HTR7: variants seen among roughly 807,000 people sequenced by gnomAD.
HTR7 encodes the protein 5-HT-7.
HTR7 carries 16 observed loss-of-function variants against 34.0 expected under a neutral mutation model. The ratio of observed to expected loss-of-function variants is 0.47; its 90% CI spans 0.32 to 0.71. The LOEUF (loss-of-function observed/expected upper bound fraction) is 0.71, where lower values mean the gene tolerates loss of function less well. Ranked by LOEUF, HTR7 falls within the 30% of genes least tolerant of loss-of-function variation. The pLI is 0.04. For missense variants in HTR7, 504 were observed against 625.5 expected, an observed-to-expected ratio of 0.81 and a Z score of 2.07; for synonymous variants, 265 against 260.2, an observed-to-expected ratio of 1.02 and a Z score of -0.18.
intron 1 of HTR7, among the ~76,000 whole-genome samples, chr10:90,762,399 C>T (rs930787028): frequency 6.6e-6 from 1 of 152,164 alleles, no homozygotes; most frequent in Non-Finnish European, 1.5e-5. Context: ...TGTTGAGCAC[C>T]TTTTCATGTA....
At chr10:90,746,396 G>A (rs1844635641) in intron 2 of HTR7, among the ~76,000 whole-genome samples, 1 of 152,092 alleles carries the variant, frequency 6.6e-6, no homozygotes, top group Admixed American at 6.5e-5. Flanking sequence ...ATGGATGCAT[G>A]CAAATATAGC....
intron 1 of HTR7, among the ~76,000 whole-genome samples, chr10:90,770,975 C>T (rs1845100414): frequency 2.6e-5 from 4 of 152,228 alleles, no homozygotes; most frequent in Admixed American, 2.6e-4. Flanking sequence ...CACACTTCCT[C>T]CCATCTGAGG....
At chr10:90,821,242 A>G (rs1363500137) in intron 1 of HTR7, among the ~76,000 whole-genome samples, 2 of 152,192 alleles carry the variant, frequency 1.3e-5, no homozygotes, top group Non-Finnish European at 2.9e-5. Context: ...TGAAGAGGGT[A>G]GGAAAGACAA....
At chr10:90,801,997 T>C (rs1845635046) in intron 1 of HTR7, among the ~76,000 whole-genome samples, 1 of 152,174 alleles carries the variant, frequency 6.6e-6, no homozygotes, top group Non-Finnish European at 1.5e-5. Context: ...TGTCTTTCTG[T>C]GTTGTTCTCT....
At chr10:90,814,876 T>A (rs569115074) in intron 1 of HTR7, among the ~76,000 whole-genome samples, 49 of 152,244 alleles carry the variant, frequency 3.2e-4, no homozygotes, top group African/African-American at 1.2e-3. Flanking sequence ...AGACAAAGAT[T>A]ACAATGAGAA....
chr10:90,809,759 G>A (rs1183174789), intron 1 of HTR7, among the ~76,000 whole-genome samples: 1 of 152,180 alleles, frequency 6.6e-6, no homozygotes, highest in African/African-American at 2.4e-5. Context: ...TTCCTCCTAA[G>A]TCACGTCCCA....
intron 1 of HTR7, among the ~76,000 whole-genome samples, chr10:90,780,882 C>A (rs1589447993): frequency 6.6e-6 from 1 of 152,162 alleles, no homozygotes; most frequent in African/African-American, 2.4e-5. Flanking sequence ...GGACCACATG[C>A]TTTAGTTTCC....
At chr10:90,819,086 A>G (rs1798192005) in intron 1 of HTR7, among the ~76,000 whole-genome samples, 1 of 152,188 alleles carries the variant, frequency 6.6e-6, no homozygotes, top group Admixed American at 6.5e-5. Context: ...GCCTCAGGTA[A>G]TTCTTTATAG....
chr10:90,802,462 T>C (rs1380899986), intron 1 of HTR7, among the ~76,000 whole-genome samples: 1 of 152,196 alleles, frequency 6.6e-6, no homozygotes, highest in Non-Finnish European at 1.5e-5. Context: ...TCTCCAGGAA[T>C]ATATGGTAAA....
At chr10:90,797,618 C>A (rs189958730) in intron 1 of HTR7, among the ~76,000 whole-genome samples, 1 of 152,158 alleles carries the variant, frequency 6.6e-6, no homozygotes, top group Non-Finnish European at 1.5e-5. Flanking sequence ...ATAAATGATG[C>A]TAATTCTCTG....
At chr10:90,822,167 C>T (rs991270834) in intron 1 of HTR7, among the ~76,000 whole-genome samples, 77 of 152,100 alleles carry the variant, frequency 5.1e-4, no homozygotes, top group Admixed American at 1.3e-4. Context: ...CAGAAGAAGA[C>T]AGAAAGATGG....
chr10:90,798,782 C>T (rs1845579327), intron 1 of HTR7, among the ~76,000 whole-genome samples: 2 of 152,166 alleles, frequency 1.3e-5, no homozygotes, highest in South Asian at 4.1e-4. Context: ...TTCTAACCTC[C>T]AAGCTGTCCT....
At chr10:90,790,859 AAGAG>A in intron 1 of HTR7, among the ~76,000 whole-genome samples, 1 of 152,064 alleles carries the variant, frequency 6.6e-6, no homozygotes, top group East Asian at 1.9e-4. Context: ...AAAAGAGAGT[AAGAG>A]AGAGAGAAAA....
At chr10:90,770,461 C>G (rs570939773) in intron 1 of HTR7, among the ~76,000 whole-genome samples, 1 of 152,276 alleles carries the variant, frequency 6.6e-6, no homozygotes, top group South Asian at 2.1e-4. Flanking sequence ...AGGCACAGGA[C>G]CTGGGGTCTC....
chr10:90,793,466 A>C (rs1050764189), intron 1 of HTR7, among the ~76,000 whole-genome samples: 1 of 148,086 alleles, frequency 6.8e-6, no homozygotes, highest in Non-Finnish European at 1.5e-5. Flanking sequence ...AATTATATAT[A>C]TATATATTTA....
At chr10:90,780,536 CAAA>C (rs57590024) in intron 1 of HTR7, among the ~76,000 whole-genome samples, 1 of 70,966 alleles carries the variant, frequency 1.4e-5, no homozygotes, top group African/African-American at 5.0e-5. Context: ...GACTCCATCT[CAAA>C]AAAAAAAAAA....
intron 1 of HTR7, among the ~76,000 whole-genome samples, chr10:90,777,244 A>G (rs1468207086): frequency 6.6e-6 from 1 of 152,088 alleles, no homozygotes; most frequent in African/African-American, 2.4e-5. Flanking sequence ...GCACTTTGGG[A>G]GGCTGAGGCG....
At chr10:90,815,745 T>A (rs1176566763) in intron 1 of HTR7, among the ~76,000 whole-genome samples, 3 of 151,598 alleles carry the variant, frequency 2.0e-5, no homozygotes, top group East Asian at 1.9e-4. Context: ...AAAAAAAAAA[T>A]GGACATGCTA....
chr10:90,776,753 T>C (rs981724789), intron 1 of HTR7, among the ~76,000 whole-genome samples: 2 of 152,236 alleles, frequency 1.3e-5, no homozygotes, highest in Non-Finnish European at 2.9e-5. Context: ...GTGAAAAATC[T>C]TTCTAAAATA....
Sources: allele counts gnomAD v4.1 joint callset (sites outside exome capture counted in the v4.1 genomes callset), GRCh38; gene constraint gnomAD v4.1.1; transcripts MANE v1.5; gene names NCBI Gene and HGNC (gene_info 2026-07-23, HGNC 2026-07-21).